The following WDR35 variants were observed in gnomAD, a reference collection of about 807,000 sequenced individuals.
WDR35 encodes the protein WD repeat-containing protein 35.
In WDR35, 118 loss-of-function variants were observed where a neutral mutation model predicts 158.3. The observed-to-expected ratio is 0.75, with a 90% CI of 0.64 to 0.87. WDR35 has a LOEUF of 0.87. WDR35 is among the 40% of genes least tolerant of loss of function. The pLI, the probability that WDR35 is intolerant of heterozygous loss-of-function variation, is 0.00. For missense variants in WDR35, 1,263 were observed against 1,405.8 expected (o/e 0.90, Z 1.62); for synonymous variants, 448 against 476.1 (o/e 0.94, Z 0.77).
intron 5 of WDR35, among the ~76,000 whole-genome samples, chr2:19,977,204 A>G (rs1672244705): frequency 6.6e-6 from 1 of 152,186 alleles, no homozygotes; most frequent in African/African-American, 2.4e-5. Flanking sequence ...TTAAATTACC[A>G]TGCATATGCT....
Position 19,957,996 on chromosome 2 carries a change from A to G in WDR35, c.1255+2558T>C, listed in dbSNP as rs775334534. On this transcript the variant is annotated intron_variant, in intron 11 of 26. Transcript: ENST00000281405. Reference sequence around the variant, plus strand: ...CACATATAAATAAAACCTGCTTGTAATATTTTAATGCTAAGGCATGAAATA... The same window carrying G: ...CACATATAAATAAAACCTGCTTGTAGTATTTTAATGCTAAGGCATGAAATA... Among the ~76,000 whole-genome samples, 41 of 152,258 alleles carry G rather than the reference A, an allele frequency of 2.7e-4. 1 individual carries two copies. The highest frequency in any genetic ancestry group is 5.2e-4 in the Admixed American group (8 of 15,288).
At chr2:19,981,767 C>T (rs1357162801) in intron 3 of WDR35, among the ~76,000 whole-genome samples, 1 of 152,164 alleles carries the variant, frequency 6.6e-6, no homozygotes, top group South Asian at 2.1e-4. Context: ...AGTCTTCCCA[C>T]CTTGGCCTCC....
intron 19 of WDR35, 126 bp from the exon 20 acceptor site, chr2:19,936,491 C>T: frequency 1.4e-6 from 2 of 1,404,256 alleles, no homozygotes; most frequent in South Asian, 2.4e-5. Context: ...ACTCTCCAAA[C>T]ACTTTAGGAA....
chr2:19,932,568 T>C, intron 22 of WDR35, 121 bp from the exon 23 acceptor site: 1 of 1,237,044 alleles, frequency 8.1e-7, no homozygotes, highest in Non-Finnish European at 1.1e-6. Context: ...AAAACTGGTA[T>C]GTTTTAAAAA....
intron 14 of WDR35, among the ~76,000 whole-genome samples, chr2:19,947,853 T>A (rs1261087070): frequency 6.6e-6 from 1 of 152,230 alleles, no homozygotes; most frequent in Non-Finnish European, 1.5e-5. Context: ...TAGCTGTTTT[T>A]GCAAATGGTT....
intron 13 of WDR35, among the ~76,000 whole-genome samples, chr2:19,950,586 T>C (rs1035777737): frequency 5.3e-5 from 8 of 152,188 alleles, no homozygotes; most frequent in South Asian, 2.1e-4. Context: ...TTCCCAAAAG[T>C]TCCCTGTTAA....
intron 25 of WDR35, among the ~76,000 whole-genome samples, chr2:19,919,406 A>C (rs1670096744): frequency 6.6e-6 from 1 of 150,990 alleles, no homozygotes; most frequent in Non-Finnish European, 1.5e-5. Context: ...AAAGAAAAGA[A>C]AAAGAAAAAG....
chr2:19,955,460 A>G (rs1172109973), intron 11 of WDR35, among the ~76,000 whole-genome samples: 5 of 152,250 alleles, frequency 3.3e-5, no homozygotes, highest in Non-Finnish European at 5.9e-5. Context: ...AGATAGTCTC[A>G]TCAAATCCAT....
intron 2 of WDR35, among the ~76,000 whole-genome samples, chr2:19,984,030 TATATATATATACATATATAC>T (rs1261211013): frequency 0.092 from 397 of 4,332 alleles, 7 homozygotes; most frequent in Middle Eastern, 0.25. Context: ...TATATATATA[TATATATATATACATATATAC>T]ACACACCCAC....
At chr2:19,964,452 C>T (rs1291775737) in intron 10 of WDR35, among the ~76,000 whole-genome samples, 8 of 140,756 alleles carry the variant, frequency 5.7e-5, no homozygotes, top group South Asian at 4.5e-4. Context: ...GGCGTGATCT[C>T]GGCCCACCGC....
intron 25 of WDR35, 100 bp from the exon 26 acceptor site, chr2:19,914,377 C>T (rs1669933094): frequency 6.7e-7 from 1 of 1,492,798 alleles, no homozygotes. Context: ...ATTGAACTTG[C>T]ATGAACGAAC....
intron 2 of WDR35, among the ~76,000 whole-genome samples, chr2:19,983,057 C>T (rs1259720687): frequency 1.3e-5 from 2 of 152,072 alleles, no homozygotes; most frequent in Non-Finnish European, 2.9e-5. Context: ...GTCTAAGGGA[C>T]CAATATTAAA....
intron 6 of WDR35, among the ~76,000 whole-genome samples, 190 bp downstream of exon 6, chr2:19,975,340 G>A (rs1672169333): frequency 6.6e-6 from 1 of 151,992 alleles, no homozygotes; most frequent in Non-Finnish European, 1.5e-5. Flanking sequence ...GCACTAATTT[G>A]CCTTGAGAAA....
intron 2 of WDR35, among the ~76,000 whole-genome samples, chr2:19,984,024 TATATATATATATATATACATATATAC>T (rs1318362936): frequency 2.4e-3 from 8 of 3,388 alleles, no homozygotes; most frequent in Non-Finnish European, 6.6e-3. Flanking sequence ...TATATATATA[TATATATATATATATATACATATATAC>T]ACACACCCAC....
intron 20 of WDR35, 126 bp downstream of exon 20, chr2:19,936,093 G>T: frequency 7.0e-7 from 1 of 1,436,420 alleles, no homozygotes. Flanking sequence ...GATGAATCTA[G>T]AGCTATCTGA....
chr2:19,940,238 G>A (rs1670831065), intron 17 of WDR35, among the ~76,000 whole-genome samples: 1 of 150,234 alleles, frequency 6.7e-6, no homozygotes, highest in African/African-American at 2.4e-5. Flanking sequence ...ATGGCGGCCT[G>A]TGCCTGGGAC....
chr2:19,975,424 A>T, intron 6 of WDR35, 106 bp downstream of exon 6: 1 of 1,262,514 alleles, frequency 7.9e-7, no homozygotes, highest in Non-Finnish European at 1.1e-6. Flanking sequence ...TGAAGACTTT[A>T]ATTACACAAA....
In WDR35 at chr2:19,978,687, T is replaced by A. The variant is rs904773153; in HGVS notation, c.436+64A>T. On this transcript the variant is annotated intron_variant, in intron 5 of 26. Transcript: ENST00000281405. ...GCTAACATATGGTAACTAACTTAAATCTCTAAAGAAGAAAACTGTCAGCCA... is the reference window on the plus strand; with the variant it reads ...GCTAACATATGGTAACTAACTTAAAACTCTAAAGAAGAAAACTGTCAGCCA... 218 of 1,609,310 alleles carry A rather than the reference T, an allele frequency of 1.4e-4. 1 individual carries two copies. Among genetic ancestry groups the A allele is most frequent in the Non-Finnish European group, 1.7e-4 (199 of 1,177,942 alleles).
chr2:19,919,419 A>C (rs1670098484), intron 25 of WDR35, among the ~76,000 whole-genome samples: 2 of 151,342 alleles, frequency 1.3e-5, no homozygotes, highest in African/African-American at 4.8e-5. Flanking sequence ...AGAAAAAGAA[A>C]AAAAAAGAAA....
Sources: gnomAD v4.1 joint callset for allele counts (sites outside exome capture counted in the v4.1 genomes callset) on GRCh38, gnomAD v4.1.1 for gene constraint, MANE v1.5 for transcripts, NCBI Gene and HGNC (gene_info 2026-07-23, HGNC 2026-07-21) for gene names.